Variants in SP100 observed in about 807,000 individuals in gnomAD.
SP100 encodes SP100 nuclear body protein.
SP100 carries 84 observed loss-of-function variants against 130.0 expected under a neutral mutation model. The observed-to-expected ratio is 0.65, with a 90% CI of 0.54 to 0.77. The LOEUF is 0.77. Ranked by LOEUF, SP100 falls within the 30% of genes least tolerant of loss-of-function variation. The pLI is 0.00. For synonymous variants in SP100, 331 were observed against 351.7 expected, an observed-to-expected ratio of 0.94 and a Z score of 0.66; for missense variants, 978 against 1,052.2, an observed-to-expected ratio of 0.93 and a Z score of 0.97.
intron 18 of SP100, among the ~76,000 whole-genome samples, chr2:230,494,959 G>C (rs564857543): frequency 6.6e-6 from 1 of 152,156 alleles, no homozygotes; most frequent in Non-Finnish European, 1.5e-5. Context: ...AATGATTATG[G>C]GTGACAAATA....
At chr2:230,506,678 T>C in intron 22 of SP100, 1 of 421,356 alleles carries the variant, frequency 2.4e-6, no homozygotes, top group South Asian at 3.7e-5. Context: ...GGACAGTAAA[T>C]TGTGGCCTTG....
In SP100 at chr2:230,461,368, C is replaced by G. The variant is rs1452088524; in HGVS notation, c.927C>G (p.Cys309Trp). Residue 309 changes from cysteine (C) to tryptophan (W), a missense_variant, in exon 9 of 29, where the codon TGC becomes TGG. Transcript: ENST00000340126. The part of the protein sequence containing the change: ...EKPFSNSKVE[C>W]QAQARTHHNQ... ...CATTTTCTAATTCAAAAGTTGAGTGCCAAGCCCAAGCAAGAACTCATCATA... is the reference window on the plus strand; with the variant it reads ...CATTTTCTAATTCAAAAGTTGAGTGGCAAGCCCAAGCAAGAACTCATCATA... The G allele has an allele frequency of 6.2e-7, 1 of 1,613,966 alleles. No individual in the cohort carries two copies. The highest frequency in any genetic ancestry group is 8.5e-7 in the Non-Finnish European group (1 of 1,180,000).
intron 17 of SP100, among the ~76,000 whole-genome samples, chr2:230,482,047 G>A (rs770091392): frequency 3.3e-4 from 50 of 152,086 alleles, no homozygotes; most frequent in African/African-American, 7.5e-4. Flanking sequence ...ATGCTGGTGC[G>A]TTTCTTAAAA....
chr2:230,524,356 CA>C (rs34536949), intron 24 of SP100, among the ~76,000 whole-genome samples: 99 of 94,852 alleles, frequency 1.0e-3, no homozygotes, highest in East Asian at 4.0e-3. Context: ...GATTCCATCT[CA>C]AAAAAAAAAA....
Position 230,494,416 on chromosome 2 carries a change from G to A in SP100, c.1601G>A (p.Arg534Lys), listed in dbSNP as rs775831754. 3 of 1,596,108 alleles carry A rather than the reference G, an allele frequency of 1.9e-6. No individual in the cohort carries two copies. Among genetic ancestry groups the A allele is most frequent in the Middle Eastern group, 1.7e-4 (1 of 6,022 alleles). ...TATTTTCTTTCTTTTCTGTTTGCAG[G>A]AAAAAAGAGAAGGCATAGATCTAAA... ...STLEKHSGKR[R>K]KKRRHRSKVN... The change falls in exon 18 of 29, where the codon AGA (arginine) becomes AAA (lysine). Residue 534 changes from arginine to lysine, a missense_variant and splice_region_variant. By Grantham distance (26) the Arg-to-Lys change is conservative (BLOSUM62 2). Coordinates refer to ENST00000340126, the MANE Select transcript of SP100 (RefSeq NM_001080391.2).
chr2:230,467,943 A>T (rs775244831), intron 13 of SP100, among the ~76,000 whole-genome samples: 16 of 152,240 alleles, frequency 1.1e-4, no homozygotes, highest in Non-Finnish European at 1.8e-4. Context: ...CTAGTTATTG[A>T]CAGAAAGAAA....
At chr2:230,452,479 A>G (rs1039026339) in intron 8 of SP100, among the ~76,000 whole-genome samples, 3 of 152,190 alleles carry the variant, frequency 2.0e-5, no homozygotes, top group Admixed American at 1.3e-4. Context: ...CCTGGCCGCC[A>G]TTGGAATTTT....
intron 24 of SP100, among the ~76,000 whole-genome samples, chr2:230,536,685 G>T (rs1211301183): frequency 1.3e-5 from 2 of 152,030 alleles, no homozygotes; most frequent in Admixed American, 6.6e-5. Flanking sequence ...CCTAACTTTA[G>T]TGAGTCAGGG....
intron 24 of SP100, among the ~76,000 whole-genome samples, chr2:230,533,407 T>C (rs1183082520): frequency 6.6e-6 from 1 of 152,234 alleles, no homozygotes; most frequent in Non-Finnish European, 1.5e-5. Flanking sequence ...AAGTAATAAC[T>C]ACTGGACACT....
Position 230,443,060 on chromosome 2 carries a change from C to T in SP100, c.231C>T (p.Gly77=). The T allele has an allele frequency of 2.5e-6, 4 of 1,614,050 alleles. No homozygotes were observed. Among genetic ancestry groups the T allele is most frequent in the Non-Finnish European group, 3.4e-6 (4 of 1,179,928 alleles). ...AAAAGACATTTCCATTCCTCGAGGG[C>T]CTCCGTGATCGTGATCTCATCACAA... is the stretch of plus-strand genomic sequence containing the variant. ...AIKKTFPFLE[G]LRDRDLITNK... Residue 77 remains glycine, a synonymous_variant, in exon 3 of 29, where the codon GGC becomes GGT. Coordinates refer to ENST00000340126, the MANE Select transcript of SP100 (RefSeq NM_001080391.2).
At position 230,467,271 on chromosome 2, in the gene SP100, T is replaced by C. The variant is rs1197368353; in HGVS notation, c.1291+56T>C. 5.7e-6 allele frequency: 7 copies of C among 1,229,750 alleles called. No homozygotes were observed. In the Admixed American group the frequency reaches 1.2e-4, roughly 21 times the overall value. The allele number at this position is 1,229,750 out of a possible 1,614,324, so 76.2% of individuals were successfully genotyped here. ...TGACTTCAGAGCACCTCTTCCCTGA[T>C]GCACTGTGCTCTGAGCACACACAAC... On this transcript the variant is annotated intron_variant, in intron 13 of 28. Coordinates refer to ENST00000340126, the MANE Select transcript of SP100 (RefSeq NM_001080391.2).
At chr2:230,422,399 C>G (rs2062793111) in intron 2 of SP100, among the ~76,000 whole-genome samples, 1 of 152,130 alleles carries the variant, frequency 6.6e-6, no homozygotes, top group African/African-American at 2.4e-5. Flanking sequence ...ATTAGGAGCT[C>G]TGTGCAAGGA....
intron 2 of SP100, among the ~76,000 whole-genome samples, chr2:230,438,639 G>GTATATATATATA (rs142300655): frequency 6.1e-4 from 82 of 135,122 alleles, no homozygotes; most frequent in African/African-American, 2.2e-3. Flanking sequence ...ACTCCATGGT[G>GTATATATATATA]TATATATATA....
Position 230,467,228 on chromosome 2 carries a change from C to A in SP100, c.1291+13C>A. ...CATGGTGAGAAGGGTAAGAACAGCTCCCTTGACTTCAGGGCTCTGACTTCA... is the reference window on the plus strand; with the variant it reads ...CATGGTGAGAAGGGTAAGAACAGCTACCTTGACTTCAGGGCTCTGACTTCA... On this transcript the variant is annotated intron_variant, in intron 13 of 28. Coordinates refer to ENST00000340126, the MANE Select transcript of SP100 (RefSeq NM_001080391.2). The A allele has an allele frequency of 1.3e-6, 2 of 1,585,624 alleles. No homozygotes were observed. The highest frequency in any genetic ancestry group is 1.7e-6 in the Non-Finnish European group (2 of 1,153,984).
At chr2:230,434,277 C>T (rs1478910280) in intron 2 of SP100, among the ~76,000 whole-genome samples, 1 of 152,076 alleles carries the variant, frequency 6.6e-6, no homozygotes, top group East Asian at 1.9e-4. Context: ...TGTATATTTA[C>T]AATAATGTAC....
At chr2:230,436,148 A>G (rs954298240) in intron 2 of SP100, among the ~76,000 whole-genome samples, 3 of 151,880 alleles carry the variant, frequency 2.0e-5, no homozygotes, top group Admixed American at 6.6e-5. Context: ...ATCTTATTTA[A>G]TTTTCTTCAA....
chr2:230,420,709 C>T (rs187232401), intron 2 of SP100, among the ~76,000 whole-genome samples: 10 of 151,702 alleles, frequency 6.6e-5, no homozygotes, highest in South Asian at 2.1e-4. Context: ...TTTATTAATT[C>T]GGTTATTAAT....
chr2:230,502,954 T>C, intron 19 of SP100, 112 bp from the exon 20 acceptor site: 1 of 808,502 alleles, frequency 1.2e-6, no homozygotes, highest in East Asian at 2.6e-5. Context: ...TCCTGATATT[T>C]TTCTTTAAGT....
chr2:230,535,080 C>T (rs750833098), intron 24 of SP100, among the ~76,000 whole-genome samples: 6 of 152,060 alleles, frequency 3.9e-5, no homozygotes, highest in Non-Finnish European at 8.8e-5. Flanking sequence ...CCTGTAGTCC[C>T]AGCTACTCGG....
Sources: allele counts gnomAD v4.1 joint callset (sites outside exome capture counted in the v4.1 genomes callset), GRCh38; gene constraint gnomAD v4.1.1; transcripts MANE v1.5; gene names NCBI Gene and HGNC (gene_info 2026-07-23, HGNC 2026-07-21).